Variants in PRR12 observed in about 807,000 individuals in gnomAD.
The protein encoded by PRR12 is proline rich 12.
A neutral mutation model predicts 138.0 loss-of-function variants in PRR12; 12 were observed. That is an observed-to-expected ratio of 0.09 (90% CI 0.06 to 0.14). The LOEUF is 0.14. Among genes scored for constraint, PRR12 ranks in the 10% least tolerant of loss-of-function variants. The pLI, the probability that PRR12 is intolerant of heterozygous loss-of-function variation, is 1.00. For missense variants in PRR12, 2,692 were observed against 2,861.3 expected, an observed-to-expected ratio of 0.94 and a Z score of 1.35; for synonymous variants, 1,567 against 1,291.7, an observed-to-expected ratio of 1.21 and a Z score of -4.57.
chr19:49,602,493 C>G (rs932016318), intron 6 of PRR12, among the ~76,000 whole-genome samples: 4 of 152,156 alleles, frequency 2.6e-5, no homozygotes, highest in African/African-American at 9.7e-5. Context: ...ATAATGAAAC[C>G]TTTTCTCTCA....
Position 49,615,952 on chromosome 19 carries a change from A to G in PRR12, c.5230A>G (p.Lys1744Glu). The change falls in exon 9 of 14, where the codon AAG (lysine) becomes GAG (glutamate). Residue 1744 changes from lysine to glutamate, a missense_variant. This residue lies in a region of PRR12 where 259 missense variants were observed against 265.1 expected (regional missense o/e 0.98). Transcript: ENST00000418929. ...LLRPVEKEKE[K>E]EKVTRGERPL... ...GCGGCCTGTTGAGAAGGAAAAGGAG[A>G]AGGAGAAGGTGACACGTGGAGAGCG... is the stretch of plus-strand genomic sequence containing the variant. The G allele has an allele frequency of 4.5e-6, 7 of 1,553,080 alleles. No homozygotes were observed. Among genetic ancestry groups the G allele is most frequent in the Non-Finnish European group, 6.1e-6 (7 of 1,148,006 alleles).
At chr19:49,622,643 G>T (rs1055638173) in intron 11 of PRR12, among the ~76,000 whole-genome samples, 1 of 148,236 alleles carries the variant, frequency 6.7e-6, no homozygotes, top group Non-Finnish European at 1.5e-5. Flanking sequence ...TGTAATCCCA[G>T]CAGTTTGGGA....
rs1174628612 is a variant in PRR12, at chr19:49,615,873, G to C, written c.5151G>C (p.Gln1717His). 6.3e-7 allele frequency: 1 copy of C among 1,590,258 alleles called. No individual in the cohort carries two copies. Among genetic ancestry groups the C allele is most frequent in the Non-Finnish European group, 8.6e-7 (1 of 1,168,862 alleles). ...EKTTSEKPPE[Q>H]TPETAMPEPP... ...CGACATCTGAGAAGCCCCCAGAGCA[G>C]ACTCCTGAGACGGCCATGCCTGAGC... Residue 1717 changes from glutamine to histidine, a missense_variant, in exon 9 of 14, where the codon CAG becomes CAC. By Grantham distance (24) the Gln-to-His change is conservative (BLOSUM62 0). Transcript: ENST00000418929.
Position 49,597,736 on chromosome 19 carries a change from T to C in PRR12, c.3401T>C (p.Leu1134Pro), listed in dbSNP as rs1332620887. 1.2e-6 allele frequency: 2 copies of C among 1,607,494 alleles called. No homozygotes were observed. Among genetic ancestry groups the C allele is most frequent in the Non-Finnish European group, 8.5e-7 (1 of 1,178,152 alleles). ...TCCAGCTGCCGCTCCCGTCCGGCCC[T>C]CTCGCCACTGGGGGACATCGACTTC... The part of the protein sequence containing the change: ...LVSSCRSRPA[L>P]SPLGDIDFCP... The change falls in exon 4 of 14, where the codon CTC becomes CCC. Residue 1134 changes from leucine (L) to proline (P), a missense_variant. By Grantham distance (98) the Leu-to-Pro change is moderately conservative. Coordinates refer to ENST00000418929, the MANE Select transcript of PRR12 (RefSeq NM_020719.3). The surrounding 1 kb of genome is among the most constrained non-coding windows in gnomAD (Gnocchi z 6.3).
chr19:49,618,792 C>T (rs1360791312), intron 9 of PRR12, among the ~76,000 whole-genome samples: 2 of 151,952 alleles, frequency 1.3e-5, no homozygotes, highest in Non-Finnish European at 2.9e-5. Flanking sequence ...AGCTCAGCCT[C>T]GTCCTCTGCT....
chr19:49,597,763 GC>G lies in PRR12; in HGVS notation c.3431del (p.Pro1144HisfsTer79). ...ALSPLGDIDF[C>X]PPNPGPDGPR... is the part of the protein sequence containing the mutation. The stretch of plus-strand genomic sequence containing the variant: ...TCGCCACTGGGGGACATCGACTTCT[GC>G]CCACCCAACCCAGGACCCGATGGCC... On this transcript the variant is annotated frameshift_variant, in exon 4 of 14. Transcript: ENST00000418929. LOFTEE classifies it high-confidence loss of function. The surrounding 1 kb of genome is among the most constrained non-coding windows in gnomAD (Gnocchi z 6.3). 6.2e-7 allele frequency: 1 copy of G among 1,604,318 alleles called. No individual in the cohort carries two copies. The highest frequency in any genetic ancestry group is 1.1e-5 in the South Asian group (1 of 89,694).
intron 10 of PRR12, 51 bp downstream of exon 10, chr19:49,620,528 G>A: frequency 6.5e-7 from 1 of 1,548,206 alleles, no homozygotes; most frequent in Non-Finnish European, 8.7e-7. Flanking sequence ...GTCTGAGGGA[G>A]CAGGTGCTGA....
In PRR12 at chr19:49,611,796, G is replaced by A. The variant is rs1055080898; in HGVS notation, c.4774-2737G>A. On this transcript the variant is annotated intron_variant, in intron 6 of 13. Coordinates refer to ENST00000418929, the MANE Select transcript of PRR12 (RefSeq NM_020719.3). ...AAAATAGCCGGGCGTGGTGGCGGGC[G>A]CCTGTGGTCCCGGCTACTCGGGAGG... Among the ~76,000 whole-genome samples, 160 of 147,870 alleles carry A rather than the reference G, an allele frequency of 1.1e-3. 3 individuals carry two copies. The highest frequency in any genetic ancestry group is 7.3e-3 in the Admixed American group (109 of 14,888).
At chr19:49,623,471 A>C (rs1169880443) in intron 11 of PRR12, among the ~76,000 whole-genome samples, 1 of 152,094 alleles carries the variant, frequency 6.6e-6, no homozygotes, top group African/African-American at 2.4e-5. Flanking sequence ...TCTACTAAAA[A>C]TACACAAAAA....
chr19:49,623,681 G>GCTGAGAATT (rs2080937653), intron 11 of PRR12, among the ~76,000 whole-genome samples: 1 of 151,908 alleles, frequency 6.6e-6, no homozygotes, highest in African/African-American at 2.4e-5. Flanking sequence ...TTAGGATAGG[G>GCTGAGAATT]CTGAGAATTC....
At chr19:49,620,095 T>C (rs1310359375) in intron 9 of PRR12, among the ~76,000 whole-genome samples, 1 of 152,104 alleles carries the variant, frequency 6.6e-6, no homozygotes, top group Non-Finnish European at 1.5e-5. Context: ...TTAGGTGATC[T>C]GCCTCGGCCT....
Position 49,594,428 on chromosome 19 carries a change from T to C in PRR12, c.200-26T>C. ...TGTATCCTACCCACCCCCACCTGGC[T>C]GACTATAACCCCTGTCCCCGGCCAG... On this transcript the variant is annotated intron_variant, in intron 2 of 13. Coordinates refer to ENST00000418929, the MANE Select transcript of PRR12 (RefSeq NM_020719.3). The surrounding 1 kb of genome is among the most constrained non-coding windows in gnomAD (Gnocchi z 5.6). 6.6e-7 allele frequency: 1 copy of C among 1,523,346 alleles called. No homozygotes were observed. The highest frequency in any genetic ancestry group is 8.8e-7 in the Non-Finnish European group (1 of 1,133,404). 94.4% of individuals were successfully genotyped at this position (1,523,346 alleles called of 1,614,324 possible).
intron 5 of PRR12, among the ~76,000 whole-genome samples, 155 bp downstream of exon 5, chr19:49,600,093 A>G (rs1483844993): frequency 6.6e-6 from 1 of 152,256 alleles, no homozygotes; most frequent in African/African-American, 2.4e-5. Flanking sequence ...TTACACAAGC[A>G]TTTTGAGGAA....
Position 49,599,145 on chromosome 19 carries a change from C to T in PRR12, c.3679-127C>T. Reference sequence around the variant, plus strand: ...CCTCCTAGAATCTAAGACAAGGGGTCTGCAGGTTTGAATTCTATAAATTCA... The same window carrying T: ...CCTCCTAGAATCTAAGACAAGGGGTTTGCAGGTTTGAATTCTATAAATTCA... On this transcript the variant is annotated intron_variant, in intron 4 of 13. Transcript: ENST00000418929. This position sits in a 1 kb window ranked among gnomAD's most constrained non-coding sequence, Gnocchi z 5.0. 1.1e-6 allele frequency: 1 copy of T among 895,476 alleles called. No individual in the cohort carries two copies. Among genetic ancestry groups the T allele is most frequent in the Non-Finnish European group, 1.6e-6 (1 of 612,660 alleles). 55.5% of individuals were successfully genotyped at this position (895,476 alleles called of 1,614,324 possible).
Position 49,601,520 on chromosome 19 carries a change from C to T in PRR12, c.4375C>T (p.Pro1459Ser). The T allele has an allele frequency of 2.0e-6, 3 of 1,527,258 alleles. No individual in the cohort carries two copies. The highest frequency in any genetic ancestry group is 2.7e-6 in the Non-Finnish European group (3 of 1,128,940). 94.6% of individuals were successfully genotyped at this position (1,527,258 alleles called of 1,614,324 possible). The stretch of plus-strand genomic sequence containing the variant: ...CCCGCTGCTGGAGGAGAAACCCCCA[C>T]CCACTCCACCTCCTGCCCCGACTCC... ...EPPLLEEKPPPTPPPAPTPQP... is the reference protein window; with the variant it reads ...EPPLLEEKPPSTPPPAPTPQP... The change falls in exon 6 of 14, where the codon CCC becomes TCC. Residue 1459 changes from proline (P) to serine (S), a missense_variant. By Grantham distance (74) the Pro-to-Ser change is moderately conservative (BLOSUM62 -1). Coordinates refer to ENST00000418929, the MANE Select transcript of PRR12 (RefSeq NM_020719.3).
intron 11 of PRR12, among the ~76,000 whole-genome samples, chr19:49,623,378 C>T (rs1168700370): frequency 3.3e-5 from 5 of 151,648 alleles, no homozygotes; most frequent in Admixed American, 2.6e-4. Flanking sequence ...GTAATCCCAG[C>T]ACTCTAGGAG....
Position 49,599,584 on chromosome 19 carries a change from G to A in PRR12, c.3991G>A (p.Ala1331Thr), listed in dbSNP as rs368205783. 253 of 1,595,922 alleles carry A rather than the reference G, an allele frequency of 1.6e-4. 1 individual carries two copies. In the South Asian group the frequency reaches 2.5e-3, roughly 15 times the overall value. ...GCAGCCCCAGCCCCCTGCCACCCCT[G>A]CTGTGCCACATCCCCCACCTTCCGG... is the stretch of plus-strand genomic sequence containing the variant. ...GLQPQPPATPAVPHPPPSGAF... is the reference protein window; with the variant it reads ...GLQPQPPATPTVPHPPPSGAF... The change falls in exon 5 of 14, where the codon GCT becomes ACT. Residue 1331 changes from alanine (A) to threonine (T), a missense_variant. Around this residue, in one of 11 missense-constraint regions of PRR12, gnomAD observed 326 missense variants for 344.2 expected, o/e 0.95. Transcript: ENST00000418929. The surrounding 1 kb of genome is among the most constrained non-coding windows in gnomAD (Gnocchi z 5.0).
chr19:49,605,699 T>C (rs2080834837), intron 6 of PRR12, among the ~76,000 whole-genome samples: 1 of 152,234 alleles, frequency 6.6e-6, no homozygotes, highest in Non-Finnish European at 1.5e-5. Flanking sequence ...GATGGGGAAG[T>C]TCACGTTCAG....
At chr19:49,592,266 G>A (rs1599782054) in intron 1 of PRR12, among the ~76,000 whole-genome samples, 1 of 145,192 alleles carries the variant, frequency 6.9e-6, no homozygotes, top group Non-Finnish European at 1.6e-5. Flanking sequence ...TTCCTAAGCT[G>A]GGGTTGTGTG....
Sources: allele counts gnomAD v4.1 joint callset (sites outside exome capture counted in the v4.1 genomes callset), GRCh38; gene constraint gnomAD v4.1.1; regional missense constraint gnomAD v4.1.1; non-coding constraint Gnocchi (gnomAD v3.1); transcripts MANE v1.5; gene names NCBI Gene and HGNC (gene_info 2026-07-23, HGNC 2026-07-21).